ATF7: variants seen among roughly 807,000 people sequenced by gnomAD.
The protein encoded by ATF7 is cyclic AMP-dependent transcription factor ATF-7.
Under a neutral mutation model 50.4 loss-of-function variants are expected in ATF7, and 10 were observed. The ratio of observed to expected loss-of-function variants is 0.20; its 90% CI spans 0.12 to 0.34. ATF7 has a LOEUF of 0.34. Among genes scored for constraint, ATF7 ranks in the 10% least tolerant of loss-of-function variants. The pLI, the probability that ATF7 is intolerant of heterozygous loss-of-function variation, is 1.00. For synonymous variants in ATF7, 201 were observed against 226.4 expected (o/e 0.89, Z 1.01); for missense variants, 465 against 613.9 (o/e 0.76, Z 2.56).
intron 2 of ATF7, 83 bp downstream of exon 2, chr12:53,600,870 G>T: frequency 7.3e-7 from 1 of 1,368,016 alleles, no homozygotes; most frequent in Non-Finnish European, 1.0e-6. Context: ...TAAAATACTG[G>T]CTTTAAACTC....
At chr12:53,540,730 A>T (rs1033323773) in intron 4 of ATF7, among the ~76,000 whole-genome samples, 5 of 151,742 alleles carry the variant, frequency 3.3e-5, no homozygotes, top group East Asian at 1.9e-4. Context: ...TGTCTCAAAA[A>T]AATAATAATA....
intron 2 of ATF7, among the ~76,000 whole-genome samples, chr12:53,595,407 C>T (rs1469854543): frequency 6.6e-6 from 1 of 152,194 alleles, no homozygotes; most frequent in Non-Finnish European, 1.5e-5. Flanking sequence ...AATAGGGCAA[C>T]TTGCCAAAGG....
chr12:53,620,401 C>G (rs1329377470), intron 1 of ATF7, among the ~76,000 whole-genome samples: 2 of 151,380 alleles, frequency 1.3e-5, no homozygotes, highest in South Asian at 2.1e-4. Flanking sequence ...ACGGTGAAAC[C>G]CCGTCTCTAC....
chr12:53,614,358 C>T (rs766610608), intron 1 of ATF7, among the ~76,000 whole-genome samples: 44 of 152,182 alleles, frequency 2.9e-4, no homozygotes, highest in Non-Finnish European at 5.3e-4. Flanking sequence ...CAATAGGATG[C>T]TGAACAAAAA....
At chr12:53,603,781 C>G (rs1943497598) in intron 1 of ATF7, among the ~76,000 whole-genome samples, 1 of 151,294 alleles carries the variant, frequency 6.6e-6, no homozygotes, top group African/African-American at 2.4e-5. Context: ...CACTCCTGGT[C>G]TGCTGCATCA....
intron 2 of ATF7, chr12:53,575,440 G>C (rs1942012696): frequency 6.6e-6 from 1 of 151,610 alleles, no homozygotes; most frequent in African/African-American, 2.4e-5. Context: ...AGCTGGTTTG[G>C]TGGTACACGC....
At chr12:53,599,026 A>G (rs140482234) in intron 2 of ATF7, among the ~76,000 whole-genome samples, 2 of 152,194 alleles carry the variant, frequency 1.3e-5, no homozygotes, top group East Asian at 1.9e-4. Context: ...ATTTGGAGAG[A>G]TCATTTTTAA....
At chr12:53,577,833 C>T (rs1296307231) in intron 2 of ATF7, among the ~76,000 whole-genome samples, 2 of 151,678 alleles carry the variant, frequency 1.3e-5, no homozygotes, top group Non-Finnish European at 2.9e-5. Flanking sequence ...TGTCAGACAC[C>T]ACACCATAAG....
chr12:53,551,264 A>G (rs1940335826), intron 3 of ATF7, among the ~76,000 whole-genome samples: 1 of 152,186 alleles, frequency 6.6e-6, no homozygotes, highest in Non-Finnish European at 1.5e-5. Flanking sequence ...GGCTCAAGCT[A>G]TCTTCCCACC....
At chr12:53,599,115 T>C (rs1202961944) in intron 2 of ATF7, among the ~76,000 whole-genome samples, 1 of 152,178 alleles carries the variant, frequency 6.6e-6, no homozygotes, top group African/African-American at 2.4e-5. Flanking sequence ...CACTGTAGCC[T>C]TGAACTCCTG....
At chr12:53,560,573 C>T (rs1197549701) in intron 2 of ATF7, among the ~76,000 whole-genome samples, 1 of 152,176 alleles carries the variant, frequency 6.6e-6, no homozygotes, top group East Asian at 1.9e-4. Context: ...CAACTCCTAG[C>T]CAGATACATT....
chr12:53,622,216 C>T (rs546570978), intron 1 of ATF7, among the ~76,000 whole-genome samples: 48 of 151,936 alleles, frequency 3.2e-4, no homozygotes, highest in African/African-American at 1.1e-3. Context: ...GGACAAGAAT[C>T]GCTTGAAACC....
At chr12:53,611,025 C>T (rs2137883435) in intron 1 of ATF7, among the ~76,000 whole-genome samples, 1 of 151,882 alleles carries the variant, frequency 6.6e-6, no homozygotes, top group Admixed American at 6.6e-5. Context: ...GGGGGTCTTG[C>T]CATGTAGCCC....
At position 53,564,992 on chromosome 12, in the gene ATF7, A is replaced by T. The variant is rs372600453; in HGVS notation, c.49-12355T>A. ...TGGCCCAGGGAAGCCAAAAGATTGT[A>T]CACCTCTGTTTTACATTATACAGAC... On this transcript the variant is annotated intron_variant, in intron 2 of 11. Coordinates refer to ENST00000420353, the MANE Select transcript of ATF7 (RefSeq NM_006856.3). 2.6e-5 allele frequency among the ~76,000 whole-genome samples: 4 copies of T among 151,126 alleles called. No homozygotes were observed. The East Asian group carries it at 5.8e-4, about 22-fold the overall frequency.
chr12:53,558,886 C>T (rs1940914903), intron 2 of ATF7, among the ~76,000 whole-genome samples: 1 of 152,162 alleles, frequency 6.6e-6, no homozygotes, highest in Non-Finnish European at 1.5e-5. Flanking sequence ...GGTAAAAACT[C>T]TTTCCATTTC....
chr12:53,537,616 T>A (rs1283230678), intron 4 of ATF7, 64 bp from the exon 5 acceptor site: 5 of 1,565,296 alleles, frequency 3.2e-6, no homozygotes, highest in Non-Finnish European at 3.5e-6. Context: ...AATCTATATT[T>A]TCCCATTTCC....
intron 2 of ATF7, among the ~76,000 whole-genome samples, chr12:53,572,875 T>G (rs1941850248): frequency 6.6e-6 from 1 of 151,368 alleles, no homozygotes; most frequent in South Asian, 2.1e-4. Flanking sequence ...AACCTCCGCC[T>G]CCTGGGTTCA....
intron 1 of ATF7, among the ~76,000 whole-genome samples, chr12:53,617,518 A>C (rs1053289669): frequency 6.6e-6 from 1 of 152,084 alleles, no homozygotes; most frequent in Non-Finnish European, 1.5e-5. Flanking sequence ...AATCCCAGCT[A>C]CTCGGGAGGC....
At chr12:53,562,764 A>C (rs1565956095) in intron 2 of ATF7, among the ~76,000 whole-genome samples, 1 of 152,144 alleles carries the variant, frequency 6.6e-6, no homozygotes, top group Non-Finnish European at 1.5e-5. Flanking sequence ...GGCTGGGCCC[A>C]GTCAGGACCA....
Sources: gnomAD v4.1 joint callset for allele counts (sites outside exome capture counted in the v4.1 genomes callset) on GRCh38, gnomAD v4.1.1 for gene constraint, MANE v1.5 for transcripts, NCBI Gene and HGNC (gene_info 2026-07-23, HGNC 2026-07-21) for gene names.